The following EPHB1 variants were observed in gnomAD, a reference collection of about 807,000 sequenced individuals.
The protein encoded by EPHB1 is ephrin type-B receptor 1.
Under a neutral mutation model 94.4 loss-of-function variants are expected in EPHB1, and 30 were observed. The ratio of observed to expected loss-of-function variants is 0.32; its 90% CI spans 0.24 to 0.43. The LOEUF (loss-of-function observed/expected upper bound fraction) is 0.43, where lower values mean the gene tolerates loss of function less well. Ranked by LOEUF, EPHB1 falls within the 20% of genes least tolerant of loss-of-function variation. The pLI is 1.00. For missense variants in EPHB1, 1,055 were observed against 1,308.3 expected (o/e 0.81, Z 2.99); for synonymous variants, 522 against 489.1 (o/e 1.07, Z -0.89).
At chr3:134,962,313 G>A (rs1369923250) in intron 3 of EPHB1, among the ~76,000 whole-genome samples, 1 of 152,168 alleles carries the variant, frequency 6.6e-6, no homozygotes, top group African/African-American at 2.4e-5. Flanking sequence ...GTGTGCTGCA[G>A]GTGGTTCGGG....
At chr3:134,864,606 G>A (rs964882655) in intron 1 of EPHB1, among the ~76,000 whole-genome samples, 15 of 152,180 alleles carry the variant, frequency 9.9e-5, no homozygotes, top group Admixed American at 2.6e-4. Flanking sequence ...CCTGAAGGAG[G>A]GAAATGAATT....
intron 3 of EPHB1, among the ~76,000 whole-genome samples, chr3:135,066,028 C>T (rs987166691): frequency 2.6e-5 from 4 of 152,196 alleles, no homozygotes; most frequent in Admixed American, 2.0e-4. Flanking sequence ...GATAGGGTCC[C>T]AGTCCCTTCT....
chr3:135,159,124 C>T (rs1405128132), intron 6 of EPHB1, among the ~76,000 whole-genome samples: 1 of 152,170 alleles, frequency 6.6e-6, no homozygotes, highest in Non-Finnish European at 1.5e-5. Context: ...CTGCCCTCAA[C>T]AGCTGCATTC....
intron 3 of EPHB1, among the ~76,000 whole-genome samples, chr3:134,966,654 G>A (rs1055359180): frequency 3.3e-5 from 5 of 152,244 alleles, no homozygotes; most frequent in African/African-American, 9.6e-5. Context: ...GCCCATGCAG[G>A]AGCAGCTAAG....
intron 3 of EPHB1, among the ~76,000 whole-genome samples, chr3:135,066,715 C>T (rs1285795185): frequency 2.0e-5 from 3 of 151,990 alleles, no homozygotes; most frequent in Admixed American, 2.0e-4. Context: ...GGGATTTCTT[C>T]TCGGTTTGGA....
chr3:134,997,751 C>G (rs1216828954), intron 3 of EPHB1, among the ~76,000 whole-genome samples: 1 of 152,152 alleles, frequency 6.6e-6, no homozygotes, highest in African/African-American at 2.4e-5. Flanking sequence ...AGAGGTCATG[C>G]CTTCTTGTGC....
At chr3:134,808,766 G>A (rs1424855518) in intron 1 of EPHB1, among the ~76,000 whole-genome samples, 1 of 152,186 alleles carries the variant, frequency 6.6e-6, no homozygotes, top group Non-Finnish European at 1.5e-5. Flanking sequence ...GTATCTTCCT[G>A]AGCATCATGA....
At chr3:135,005,469 G>A (rs1489779180) in intron 3 of EPHB1, among the ~76,000 whole-genome samples, 1 of 152,252 alleles carries the variant, frequency 6.6e-6, no homozygotes, top group Non-Finnish European at 1.5e-5. Flanking sequence ...GCCTCCTTGA[G>A]CTGTGGTGGG....
At chr3:135,244,259 C>T (rs1267646307) in intron 13 of EPHB1, among the ~76,000 whole-genome samples, 2 of 152,186 alleles carry the variant, frequency 1.3e-5, no homozygotes, top group Non-Finnish European at 2.9e-5. Flanking sequence ...GATCCCAGGA[C>T]GTTTGCTTAC....
At chr3:134,846,102 C>T (rs910392019) in intron 1 of EPHB1, among the ~76,000 whole-genome samples, 6 of 152,210 alleles carry the variant, frequency 3.9e-5, no homozygotes, top group Admixed American at 1.3e-4. Context: ...TATGGTGTTG[C>T]ATCCTTCAGG....
rs1933004101 is a variant in EPHB1, at chr3:134,951,001, G to C, written c.124-370G>C. ...AATTGGACCCCCAATCCACAGATTG[G>C]CTTTTAGAGCAGGTACTGTGGAAGT... On this transcript the variant is annotated intron_variant, in intron 2 of 15. Transcript: ENST00000398015. The surrounding 1 kb of genome is among the most constrained non-coding windows in gnomAD (Gnocchi z 4.5). Among the ~76,000 whole-genome samples, 1 of 152,180 alleles carries C rather than the reference G, an allele frequency of 6.6e-6. No homozygotes were observed. Among genetic ancestry groups the C allele is most frequent in the South Asian group, 2.1e-4 (1 of 4,824 alleles).
intron 3 of EPHB1, among the ~76,000 whole-genome samples, chr3:135,092,846 C>T (rs749469678): frequency 6.6e-6 from 1 of 152,182 alleles, no homozygotes; most frequent in African/African-American, 2.4e-5. Flanking sequence ...AGGCTGATCT[C>T]GAACTCCTGG....
chr3:135,031,167 C>G (rs954837662), intron 3 of EPHB1, among the ~76,000 whole-genome samples: 15 of 152,216 alleles, frequency 9.9e-5, no homozygotes, highest in Non-Finnish European at 1.5e-4. Context: ...GATGGAAATG[C>G]AGAAATCACC....
intron 11 of EPHB1, among the ~76,000 whole-genome samples, chr3:135,200,049 C>A (rs1287619893): frequency 6.6e-6 from 1 of 152,152 alleles, no homozygotes; most frequent in Non-Finnish European, 1.5e-5. Flanking sequence ...GACTAGACCC[C>A]AGGTGTCCTG....
At chr3:135,096,923 C>T (rs1938801570) in intron 3 of EPHB1, among the ~76,000 whole-genome samples, 1 of 151,874 alleles carries the variant, frequency 6.6e-6, no homozygotes, top group South Asian at 2.1e-4. Flanking sequence ...CGGTGAAACC[C>T]CGTCTCTACT....
intron 2 of EPHB1, among the ~76,000 whole-genome samples, chr3:134,937,295 G>A (rs1393210070): frequency 6.6e-6 from 1 of 152,238 alleles, no homozygotes; most frequent in African/African-American, 2.4e-5. Flanking sequence ...ATCACACATG[G>A]TGGCCACATT....
intron 1 of EPHB1, among the ~76,000 whole-genome samples, chr3:134,920,184 C>G (rs938042201): frequency 1.3e-5 from 2 of 152,100 alleles, no homozygotes; most frequent in South Asian, 4.1e-4. Flanking sequence ...CTCCCTTCCC[C>G]CAGTCTCCAT....
chr3:134,961,167 T>G (rs1475467490), intron 3 of EPHB1, among the ~76,000 whole-genome samples: 1 of 152,218 alleles, frequency 6.6e-6, no homozygotes, highest in Non-Finnish European at 1.5e-5. Flanking sequence ...TTCAGCATTT[T>G]TCTTCCAGGA....
At chr3:135,228,595 T>G (rs1943457087) in intron 12 of EPHB1, among the ~76,000 whole-genome samples, 2 of 152,324 alleles carry the variant, frequency 1.3e-5, no homozygotes, top group Non-Finnish European at 2.9e-5. Flanking sequence ...GCATCAATGT[T>G]TTTTCCCATT....
Sources: allele counts gnomAD v4.1 joint callset (sites outside exome capture counted in the v4.1 genomes callset), GRCh38; gene constraint gnomAD v4.1.1; non-coding constraint Gnocchi (gnomAD v3.1); transcripts MANE v1.5; gene names NCBI Gene and HGNC (gene_info 2026-07-23, HGNC 2026-07-21).